KAZN: variants seen among roughly 807,000 people sequenced by gnomAD.
The protein encoded by KAZN is kazrin.
In KAZN, 40 loss-of-function variants were observed where a neutral mutation model predicts 87.4. The observed-to-expected ratio is 0.46, with a 90% CI of 0.36 to 0.60. The LOEUF (loss-of-function observed/expected upper bound fraction) is 0.60, where lower values mean the gene tolerates loss of function less well. Among genes scored for constraint, KAZN ranks in the 20% least tolerant of loss-of-function variants. The pLI, the probability that KAZN is intolerant of heterozygous loss-of-function variation, is 0.00. For synonymous variants in KAZN, 466 were observed against 458.3 expected (o/e 1.02, Z -0.22); for missense variants, 898 against 1,073.9 (o/e 0.84, Z 2.29).
intron 2 of KAZN, among the ~76,000 whole-genome samples, chr1:14,317,849 T>A (rs563128985): frequency 1.3e-5 from 2 of 152,160 alleles, no homozygotes; most frequent in East Asian, 3.9e-4. Context: ...AGTCACAGTT[T>A]CCAAGAACCT....
At chr1:14,490,686 T>C (rs747982972) in intron 2 of KAZN, among the ~76,000 whole-genome samples, 28 of 152,016 alleles carry the variant, frequency 1.8e-4, no homozygotes, top group Admixed American at 5.2e-4. Context: ...AGAGACGGGG[T>C]GGTTGTTTTT....
intron 1 of KAZN, among the ~76,000 whole-genome samples, chr1:14,114,692 A>G (rs976016113): frequency 6.6e-6 from 1 of 152,170 alleles, no homozygotes; most frequent in Non-Finnish European, 1.5e-5. Context: ...TTAGATGGAA[A>G]CTTTCAATAC....
intron 1 of KAZN, among the ~76,000 whole-genome samples, chr1:14,918,082 T>A (rs1355112906): frequency 6.6e-6 from 1 of 151,986 alleles, no homozygotes; most frequent in Non-Finnish European, 1.5e-5. Flanking sequence ...TTTCACCATG[T>A]TGGCCAGGAT....
chr1:14,192,453 G>A (rs1646440476), intron 2 of KAZN, among the ~76,000 whole-genome samples: 2 of 152,132 alleles, frequency 1.3e-5, no homozygotes, highest in African/African-American at 2.4e-5. Context: ...CAAGCACAGA[G>A]CTTGAATTCA....
intron 2 of KAZN, among the ~76,000 whole-genome samples, chr1:14,504,234 GAAGA>G (rs1670429665): frequency 6.6e-6 from 1 of 152,170 alleles, no homozygotes; most frequent in Non-Finnish European, 1.5e-5. Context: ...AGTGTAGAAG[GAAGA>G]CTCAGTGGAG....
At chr1:15,063,528 A>T (rs1223585107) in intron 6 of KAZN, 44 bp from the exon 7 acceptor site, 2 of 1,570,388 alleles carry the variant, frequency 1.3e-6, no homozygotes, top group Non-Finnish European at 1.8e-6. Context: ...CTCCTGTGTC[A>T]CCTGTCTCTG....
At chr1:14,451,189 C>A (rs1667255429) in intron 2 of KAZN, among the ~76,000 whole-genome samples, 1 of 152,104 alleles carries the variant, frequency 6.6e-6, no homozygotes, top group African/African-American at 2.4e-5. Flanking sequence ...TCAGGCCTTT[C>A]TTTATAGTAA....
chr1:14,890,569 G>A (rs943367520), intron 1 of KAZN, among the ~76,000 whole-genome samples: 16 of 152,220 alleles, frequency 1.1e-4, no homozygotes, highest in African/African-American at 3.4e-4. Flanking sequence ...TTTAAAGGCA[G>A]GCCATAGATC....
chr1:14,595,299 G>C (rs1196881382), upstream of KAZN, among the ~76,000 whole-genome samples: 2 of 152,142 alleles, frequency 1.3e-5, no homozygotes, highest in Non-Finnish European at 2.9e-5. Flanking sequence ...AAACATATTA[G>C]CTGTTCCTTG....
intron 11 of KAZN, among the ~76,000 whole-genome samples, chr1:15,102,362 A>G (rs1641104820): frequency 6.6e-6 from 1 of 152,212 alleles, no homozygotes. Flanking sequence ...TCAGTAGAAG[A>G]CATGAGAGAA....
At chr1:14,857,903 G>A (rs1650318144) in intron 1 of KAZN, among the ~76,000 whole-genome samples, 1 of 151,948 alleles carries the variant, frequency 6.6e-6, no homozygotes, top group Non-Finnish European at 1.5e-5. Context: ...ACCAATTTTA[G>A]AGCATTTTCA....
At chr1:14,173,757 A>G (rs1006720884) in intron 1 of KAZN, among the ~76,000 whole-genome samples, 13 of 151,148 alleles carry the variant, frequency 8.6e-5, no homozygotes, top group African/African-American at 2.7e-4. Flanking sequence ...TTTGGTTCAC[A>G]TGTCCTTTGC....
chr1:14,377,945 C>T (rs6689141), intron 2 of KAZN, among the ~76,000 whole-genome samples: 134,113 of 152,266 alleles, frequency 0.88, 59,219 homozygotes, highest in Middle Eastern at 0.93. Context: ...CAAATGTCCC[C>T]TGGAGTACAA....
At chr1:14,504,904 A>G (rs1181017361) in intron 2 of KAZN, among the ~76,000 whole-genome samples, 1 of 152,174 alleles carries the variant, frequency 6.6e-6, no homozygotes, top group Non-Finnish European at 1.5e-5. Flanking sequence ...ATAGAACATG[A>G]CTTGAACTAG....
chr1:14,984,518 CTT>C (rs933325404), intron 2 of KAZN, among the ~76,000 whole-genome samples: 6 of 152,076 alleles, frequency 3.9e-5, no homozygotes. Flanking sequence ...TCATTATGCT[CTT>C]TTGATGGTAT....
chr1:14,563,733 T>G (rs1674382563), intron 2 of KAZN, among the ~76,000 whole-genome samples: 1 of 152,102 alleles, frequency 6.6e-6, no homozygotes, highest in Non-Finnish European at 1.5e-5. Context: ...CTGCCACAGT[T>G]CAACTGCATC....
chr1:15,019,111 A>G (rs1670413038), intron 2 of KAZN, among the ~76,000 whole-genome samples: 1 of 152,172 alleles, frequency 6.6e-6, no homozygotes, highest in Non-Finnish European at 1.5e-5. Context: ...AGGACCTGGC[A>G]TGTACCTCCA....
intron 2 of KAZN, among the ~76,000 whole-genome samples, chr1:15,011,197 G>A (rs1205355928): frequency 3.9e-5 from 6 of 152,288 alleles, no homozygotes; most frequent in Admixed American, 3.9e-4. Flanking sequence ...AGCCCCAGAG[G>A]CTGGGACCTA....
intron 6 of KAZN, 163 bp downstream of exon 6, chr1:15,060,465 T>C (rs1231450780): frequency 4.2e-6 from 4 of 956,388 alleles, no homozygotes; most frequent in Non-Finnish European, 6.3e-6. Flanking sequence ...CAAGAAGCGA[T>C]GGATGTGGGG....
Sources: allele counts gnomAD v4.1 joint callset (sites outside exome capture counted in the v4.1 genomes callset), GRCh38; gene constraint gnomAD v4.1.1; transcripts MANE v1.5; gene names NCBI Gene and HGNC (gene_info 2026-07-23, HGNC 2026-07-21).